Variants in REV1 observed in about 807,000 individuals in gnomAD.
REV1 encodes REV1 DNA directed polymerase, also known as translesion synthesis protein REV1.
A neutral mutation model predicts 137.4 loss-of-function variants in REV1; 42 were observed. The observed-to-expected ratio is 0.31, with a 90% CI of 0.24 to 0.40. The LOEUF is 0.40. REV1 is among the 10% of genes least tolerant of loss of function. The pLI is 1.00. For synonymous variants in REV1, 524 were observed against 519.2 expected (o/e 1.01, Z -0.12); for missense variants, 1,282 against 1,490.1 (o/e 0.86, Z 2.30).
chr2:99,449,231 C>A (rs1682626791), intron 4 of REV1, 105 bp downstream of exon 4: 4 of 606,518 alleles, frequency 6.6e-6, no homozygotes, highest in African/African-American at 2.0e-5. Context: ...TGCCACTGCA[C>A]TCTAGCCTGG....
intron 12 of REV1, among the ~76,000 whole-genome samples, chr2:99,418,433 G>A (rs1027704510): frequency 2.6e-5 from 4 of 152,060 alleles, no homozygotes; most frequent in African/African-American, 4.8e-5. Flanking sequence ...GAAAACTGTC[G>A]CTAGTCCTGC....
rs1454074091 is a variant in REV1 at position 99,468,597 on chromosome 2, T to G, written c.-10-3612A>C. On this transcript the variant is annotated intron_variant, in intron 1 of 22. Coordinates refer to ENST00000258428, the MANE Select transcript of REV1 (RefSeq NM_016316.4). ...AACTCTTGCAGACCAGGCTCCCAAT[T>G]TAATTCCACATAACTTGATGACCTT... Among the ~76,000 whole-genome samples, 4 of 152,344 alleles carry G rather than the reference T, an allele frequency of 2.6e-5. No individual in the cohort carries two copies. The East Asian group carries it at 7.7e-4, about 29-fold the overall frequency.
At chr2:99,439,816 A>C (rs1681247530) in intron 5 of REV1, among the ~76,000 whole-genome samples, 1 of 152,224 alleles carries the variant, frequency 6.6e-6, no homozygotes, top group South Asian at 2.1e-4. Context: ...AATGGATTTA[A>C]AAACCTTACT....
At position 99,430,243 on chromosome 2, in the gene REV1, C is replaced by T. The variant is rs144505301; in HGVS notation, c.1439-295G>A. 6.6e-5 allele frequency among the ~76,000 whole-genome samples: 10 copies of T among 151,804 alleles called. No individual in the cohort carries two copies. In the East Asian group the frequency reaches 1.9e-3, roughly 29 times the overall value. ...TATAAAATATCCTATAACACACAGT[C>T]CCTGGAGGTGGACATGGATGAGAAG... On this transcript the variant is annotated intron_variant, in intron 8 of 22. Transcript: ENST00000258428.
rs946537255 is a variant in REV1, at chr2:99,460,234, G to A, written c.181+2262C>T. ...TGGGACTACAGGCGCACGTCACCAC[G>A]CCCAGCTAATTTTTGTATTTTTAGT... On this transcript the variant is annotated intron_variant, in intron 3 of 22. Transcript: ENST00000258428. Among the ~76,000 whole-genome samples, 7 of 152,112 alleles carry A rather than the reference G, an allele frequency of 4.6e-5. No homozygotes were observed. In the East Asian group the frequency reaches 9.7e-4, roughly 21 times the overall value.
intron 1 of REV1, among the ~76,000 whole-genome samples, chr2:99,467,216 A>G (rs926909296): frequency 6.6e-6 from 1 of 152,204 alleles, no homozygotes; most frequent in African/African-American, 2.4e-5. Context: ...TGATGGTTTA[A>G]TGAGGCTAGA....
At chr2:99,456,005 T>C (rs1559379468) in intron 3 of REV1, among the ~76,000 whole-genome samples, 1 of 152,130 alleles carries the variant, frequency 6.6e-6, no homozygotes, top group African/African-American at 2.4e-5. Context: ...ATATGAACTG[T>C]CCCAATCTCA....
chr2:99,406,001 G>T lies in REV1; in HGVS notation c.2720C>A (p.Ala907Asp), dbSNP rs528811652. 9.9e-5 allele frequency: 160 copies of T among 1,614,044 alleles called. No individual in the cohort carries two copies. Among genetic ancestry groups the T allele is most frequent in the Admixed American group, 1.3e-4 (8 of 59,998 alleles). The change falls in exon 17 of 23, where the codon GCT becomes GAT. Residue 907 changes from alanine (A) to aspartate (D), a missense_variant. Ala to Asp is a moderately radical substitution (Grantham distance 126, BLOSUM62 -2). This residue lies in a region of REV1 where 135 missense variants were observed against 123.3 expected (regional missense o/e 1.10). Coordinates refer to ENST00000258428, the MANE Select transcript of REV1 (RefSeq NM_016316.4). ...HLPTSPDTNK[A>D]ESSGKWNGLH... ...ACCATTCCATTTCCCTGAAGACTCA[G>T]CCTTGTTAGTATCAGGACTGGTCGG...
Position 99,412,749 on chromosome 2 carries a change from A to G in REV1, c.2154T>C (p.Tyr718=), listed in dbSNP as rs573118226. Reference sequence around the variant, plus strand: ...TCAGTACCTGAGTAAACCTTATTCCATAGTTGATCTCAGCTGAAACAGATT... The same window carrying G: ...TCAGTACCTGAGTAAACCTTATTCCGTAGTTGATCTCAGCTGAAACAGATT... ...ERKSVSAEIN[Y]GIRFTQPKEA... The change falls in exon 13 of 23, where the codon TAT becomes TAC. Residue 718 remains tyrosine, a synonymous_variant. Coordinates refer to ENST00000258428, the MANE Select transcript of REV1 (RefSeq NM_016316.4). 1.0e-4 allele frequency: 164 copies of G among 1,613,596 alleles called. No homozygotes were observed. Among genetic ancestry groups the G allele is most frequent in the Non-Finnish European group, 1.4e-4 (162 of 1,179,592 alleles).
chr2:99,419,011 T>A, intron 11 of REV1, 64 bp from the exon 12 acceptor site: 1 of 1,313,942 alleles, frequency 7.6e-7, no homozygotes, highest in African/African-American at 1.5e-5. Context: ...TCAACAAAGA[T>A]CTCTTCATAC....
chr2:99,447,209 T>G (rs2104923034), intron 4 of REV1, among the ~76,000 whole-genome samples: 1 of 151,764 alleles, frequency 6.6e-6, no homozygotes, highest in Non-Finnish European at 1.5e-5. Flanking sequence ...CAGGCTGGAG[T>G]GCAGTGGCGT....
intron 17 of REV1, chr2:99,405,074 T>C (rs1676086110): frequency 5.2e-6 from 1 of 192,310 alleles, no homozygotes; most frequent in Non-Finnish European, 1.0e-5. Context: ...CAGGTAACAG[T>C]CCTGGGTCAA....
rs764557108 is a variant in REV1 at position 99,403,042 on chromosome 2, T to G, written c.3231A>C (p.Lys1077Asn). 2 of 1,613,860 alleles carry G rather than the reference T, an allele frequency of 1.2e-6. No individual in the cohort carries two copies. Among genetic ancestry groups the G allele is most frequent in the Non-Finnish European group, 1.7e-6 (2 of 1,179,980 alleles). ...TCCTTTTTGGTGAACCAATGGTTTTTTTCTTCTTGTTTCTTTTCTTTTCTT... is the reference window on the plus strand; with the variant it reads ...TCCTTTTTGGTGAACCAATGGTTTTGTTCTTCTTGTTTCTTTTCTTTTCTT... ...AVKEKKRNKKKKTIGSPKRIQ... is the reference protein window; with the variant it reads ...AVKEKKRNKKNKTIGSPKRIQ... The change falls in exon 20 of 23, where the codon AAA (lysine) becomes AAC (asparagine). Residue 1077 changes from lysine to asparagine, a missense_variant. Physicochemically the swap from Lys to Asn is moderately conservative, Grantham distance 94 (BLOSUM62 0). Around this residue, in one of 7 missense-constraint regions of REV1, gnomAD observed 170 missense variants for 156.8 expected, o/e 1.08. Coordinates refer to ENST00000258428, the MANE Select transcript of REV1 (RefSeq NM_016316.4).
chr2:99,439,166 C>A lies in REV1; in HGVS notation c.648G>T (p.Pro216=). The A allele has an allele frequency of 6.2e-7, 1 of 1,614,070 alleles. No homozygotes were observed. The highest frequency in any genetic ancestry group is 8.5e-7 in the Non-Finnish European group (1 of 1,179,962). Residue 216 remains proline (P), a synonymous_variant, in exon 6 of 23, where the codon CCG becomes CCT. Transcript: ENST00000258428. ...AAATGGCAGTGCTCCCTCTGGGATG[C>A]GGAATTCCATTCTGTTTCCTTCCCG... ...TSPGRKQNGI[P]HPRGSTAIFN...
rs145941027 is a variant in REV1 at position 99,404,456 on chromosome 2, T to C, written c.3033A>G (p.Pro1011=). 1,266 of 1,613,876 alleles carry C rather than the reference T, an allele frequency of 7.8e-4. 13 individuals are homozygous for C. The African/African-American group carries it at 0.015, about 19-fold the overall frequency. ...SDAGINLIAL[P]AFSQVDPEVF... ...ATATTTAACTTACCTGTGAAAATGC[T>C]GGAAGGGCTATTAAATTTATTCCTG... Residue 1011 remains proline, a synonymous_variant, in exon 18 of 23, where the codon CCA becomes CCG. Transcript: ENST00000258428.
At chr2:99,448,375 T>C (rs1682496744) in intron 4 of REV1, among the ~76,000 whole-genome samples, 1 of 152,222 alleles carries the variant, frequency 6.6e-6, no homozygotes, top group Non-Finnish European at 1.5e-5. Context: ...TTTAAAAATA[T>C]AAACCACTTA....
At chr2:99,472,521 T>G (rs1268517178) in intron 1 of REV1, among the ~76,000 whole-genome samples, 2 of 152,192 alleles carry the variant, frequency 1.3e-5, no homozygotes, top group African/African-American at 4.8e-5. Flanking sequence ...AACTTTTATA[T>G]GTATCGTACC....
At chr2:99,435,309 C>G (rs570200942) in intron 7 of REV1, among the ~76,000 whole-genome samples, 12 of 152,256 alleles carry the variant, frequency 7.9e-5, no homozygotes, top group African/African-American at 2.6e-4. Context: ...AGAATGTATG[C>G]TTTTTAAAAT....
chr2:99,421,765 T>C, intron 10 of REV1, 112 bp from the exon 11 acceptor site: 1 of 1,179,996 alleles, frequency 8.5e-7, no homozygotes, highest in East Asian at 2.6e-5. Context: ...TCACAAAGCA[T>C]TTTAAATGAA....
Sources: allele counts gnomAD v4.1 joint callset (sites outside exome capture counted in the v4.1 genomes callset), GRCh38; gene constraint gnomAD v4.1.1; regional missense constraint gnomAD v4.1.1; transcripts MANE v1.5; gene names NCBI Gene and HGNC (gene_info 2026-07-23, HGNC 2026-07-21).